Variants in USP42 observed in about 807,000 individuals in gnomAD.
USP42 encodes ubiquitin carboxyl-terminal hydrolase 42.
In USP42, 23 loss-of-function variants were observed where a neutral mutation model predicts 113.0. The ratio of observed to expected loss-of-function variants is 0.20; its 90% CI spans 0.15 to 0.29. The LOEUF (loss-of-function observed/expected upper bound fraction) is 0.29. USP42 is among the 10% of genes least tolerant of loss of function. The pLI is 1.00. For synonymous variants in USP42, 933 were observed against 699.0 expected (o/e 1.33, Z -5.28); for missense variants, 2,174 against 1,779.8 (o/e 1.22, Z -3.99).
upstream of USP42, among the ~76,000 whole-genome samples, chr7:6,103,776 G>C (rs1790219818): frequency 6.7e-6 from 1 of 149,360 alleles, no homozygotes. Flanking sequence ...AAAATTAGTC[G>C]GGTGCAGCGG....
chr7:6,127,581 A>G (rs940297701), intron 3 of USP42, among the ~76,000 whole-genome samples: 2 of 151,868 alleles, frequency 1.3e-5, no homozygotes, highest in African/African-American at 4.8e-5. Context: ...AAAAAAAATT[A>G]TTTGGGCATA....
intron 6 of USP42, among the ~76,000 whole-genome samples, chr7:6,140,632 T>A (rs1319130275): frequency 6.6e-6 from 1 of 152,234 alleles, no homozygotes; most frequent in Non-Finnish European, 1.5e-5. Flanking sequence ...TTAGAATTTC[T>A]GGATCACAGG....
chr7:6,141,274 C>A (rs1355774546), intron 7 of USP42, among the ~76,000 whole-genome samples: 1 of 144,682 alleles, frequency 6.9e-6, no homozygotes, highest in Admixed American at 7.0e-5. Flanking sequence ...GTGATCTCGG[C>A]TCACTGCAAC....
intron 3 of USP42, among the ~76,000 whole-genome samples, chr7:6,125,183 C>CAAAAAAAAAAA (rs56776147): frequency 2.6e-5 from 1 of 38,722 alleles, no homozygotes; most frequent in African/African-American, 9.0e-5. Context: ...TCTGTCTCAA[C>CAAAAAAAAAAA]AAAAAAAAAA....
intron 3 of USP42, among the ~76,000 whole-genome samples, chr7:6,131,901 A>G (rs1780871543): frequency 6.6e-6 from 1 of 152,196 alleles, no homozygotes; most frequent in Non-Finnish European, 1.5e-5. Context: ...TTGTTTTTGA[A>G]TGATATTCTC....
chr7:6,137,637 C>T (rs972307460), intron 4 of USP42, among the ~76,000 whole-genome samples: 10 of 151,816 alleles, frequency 6.6e-5, no homozygotes, highest in Non-Finnish European at 1.3e-4. Context: ...AGATTACAGA[C>T]GTGAGCCACC....
intron 3 of USP42, among the ~76,000 whole-genome samples, chr7:6,124,410 G>C (rs1780410825): frequency 6.6e-6 from 1 of 151,332 alleles, no homozygotes; most frequent in Non-Finnish European, 1.5e-5. Flanking sequence ...TGGGACTACG[G>C]GTGCACCACC....
At chr7:6,089,677 C>A in the USP42 span, among the ~76,000 whole-genome samples, 319 of 150,026 alleles carry the variant, frequency 2.1e-3, 15 homozygotes, top group African/African-American at 7.8e-3. Flanking sequence ...GGATTACAGG[C>A]ATGCACCACC....
At chr7:6,105,702 G>A (rs1779241582) in intron 1 of USP42, among the ~76,000 whole-genome samples, 1 of 152,244 alleles carries the variant, frequency 6.6e-6, no homozygotes, top group Non-Finnish European at 1.5e-5. Flanking sequence ...CCAAAAGCAT[G>A]TGTGCCTCTC....
chr7:6,134,113 G>C (rs920378130), intron 3 of USP42, among the ~76,000 whole-genome samples: 3 of 151,864 alleles, frequency 2.0e-5, no homozygotes, highest in Non-Finnish European at 4.4e-5. Flanking sequence ...GGATCGTCTC[G>C]ATCTCCTGAC....
the USP42 span, among the ~76,000 whole-genome samples, chr7:6,091,680 T>TACACACACACACACACACACACAC: frequency 3.2e-4 from 44 of 136,144 alleles, 1 homozygote; most frequent in African/African-American, 1.2e-3. Context: ...TATGTTAGCA[T>TACACACACACACACACACACACAC]ACACACACAC....
chr7:6,126,106 T>C (rs1780528279), intron 3 of USP42, among the ~76,000 whole-genome samples: 1 of 152,214 alleles, frequency 6.6e-6, no homozygotes, highest in East Asian at 1.9e-4. Context: ...TGGTGACCAC[T>C]GATTCTCCAT....
rs1779578789 is a variant in USP42 at position 6,111,199 on chromosome 7, C to T, written c.66C>T (p.Ser22=). The T allele has an allele frequency of 6.2e-7, 1 of 1,611,980 alleles. No individual in the cohort carries two copies. The highest frequency in any genetic ancestry group is 8.5e-7 in the Non-Finnish European group (1 of 1,178,906). ...CAGCCTATCAGAATCAGCCTGGCAG[C>T]TCCGAGGCAGTCTCACCTGGAGACA... is the stretch of plus-strand genomic sequence containing the variant. The part of the protein sequence containing the change: ...DPSAYQNQPG[S]SEAVSPGDMD... Residue 22 remains serine, a synonymous_variant, in exon 2 of 18, where the codon AGC becomes AGT. Transcript: ENST00000306177.
Position 6,115,518 on chromosome 7 carries a change from A to G in USP42, c.437A>G (p.Lys146Arg). 1.2e-6 allele frequency: 2 copies of G among 1,614,026 alleles called. No individual in the cohort carries two copies. Among genetic ancestry groups the G allele is most frequent in the South Asian group, 1.1e-5 (1 of 91,082 alleles). Residue 146 changes from lysine to arginine, a missense_variant, in exon 3 of 18, where the codon AAA (lysine) becomes AGA (arginine). Lys to Arg is a conservative substitution (Grantham distance 26). Transcript: ENST00000306177. ...ANYMLSHEHS[K>R]TCHAEGFCMM... ...TACATGCTATCACATGAACACTCCA[A>G]AACATGTAAGTGTTCCGTGTTGTGT...
the USP42 span, among the ~76,000 whole-genome samples, chr7:6,094,203 TTG>T: frequency 1.3e-5 from 2 of 149,646 alleles, no homozygotes; most frequent in African/African-American, 5.0e-5. Flanking sequence ...AGACAGGGTC[TTG>T]CTTTGTCACC....
intron 1 of USP42, among the ~76,000 whole-genome samples, chr7:6,107,971 C>A (rs1340020943): frequency 6.6e-6 from 1 of 151,922 alleles, no homozygotes; most frequent in East Asian, 1.9e-4. Context: ...TAATCTTACC[C>A]TAGTTAAAAA....
the USP42 span, among the ~76,000 whole-genome samples, chr7:6,084,184 G>A: frequency 3.6e-4 from 54 of 150,416 alleles, 1 homozygote; most frequent in African/African-American, 1.1e-3. Flanking sequence ...GAGCCACCAC[G>A]CCCAGCTAAT....
chr7:6,092,056 T>TTCTTC, the USP42 span, among the ~76,000 whole-genome samples: 2 of 62,828 alleles, frequency 3.2e-5, no homozygotes, highest in East Asian at 6.1e-4. Flanking sequence ...TCTTCTTCTT[T>TTCTTC]CTTCTTCTTC....
At chr7:6,143,278 C>T (rs1242465117) in intron 8 of USP42, among the ~76,000 whole-genome samples, 1 of 152,140 alleles carries the variant, frequency 6.6e-6, no homozygotes, top group African/African-American at 2.4e-5. Context: ...GTAAAATTGT[C>T]TTTGCACCCC....
Sources: gnomAD v4.1 joint callset for allele counts (sites outside exome capture counted in the v4.1 genomes callset) on GRCh38, gnomAD v4.1.1 for gene constraint, MANE v1.5 for transcripts, NCBI Gene and HGNC (gene_info 2026-07-23, HGNC 2026-07-21) for gene names.